EYA1: variants seen among roughly 807,000 people sequenced by gnomAD.
The protein encoded by EYA1 is EYA transcriptional coactivator and phosphatase 1.
Under a neutral mutation model 82.0 loss-of-function variants are expected in EYA1, and 16 were observed. That is an observed-to-expected ratio of 0.20 (90% CI 0.13 to 0.30). The LOEUF (loss-of-function observed/expected upper bound fraction) is 0.30. EYA1 is among the 10% of genes least tolerant of loss of function. EYA1 has a pLI of 1.00. For synonymous variants in EYA1, 261 were observed against 264.4 expected (o/e 0.99, Z 0.12); for missense variants, 633 against 730.7 (o/e 0.87, Z 1.54).
chr8:71,370,939 A>G (rs929058422), intron 2 of EYA1, among the ~76,000 whole-genome samples: 1 of 152,066 alleles, frequency 6.6e-6, no homozygotes, highest in Non-Finnish European at 1.5e-5. Context: ...CAAATTTTAA[A>G]AGTGGGGGAA....
At chr8:71,298,936 G>T in intron 9 of EYA1, 111 bp downstream of exon 9, 1 of 967,472 alleles carries the variant, frequency 1.0e-6, no homozygotes, top group Non-Finnish European at 1.7e-6. Context: ...TTTAGTCCTT[G>T]CCAAAAGCTG....
At chr8:71,415,255 T>C (rs906943308) in intron 2 of EYA1, among the ~76,000 whole-genome samples, 2 of 152,240 alleles carry the variant, frequency 1.3e-5, no homozygotes, top group African/African-American at 4.8e-5. Flanking sequence ...TTCTCACCAA[T>C]TCTTTGTTTG....
intron 2 of EYA1, among the ~76,000 whole-genome samples, chr8:71,445,523 A>C (rs751485502): frequency 5.3e-5 from 8 of 152,210 alleles, no homozygotes; most frequent in Non-Finnish European, 1.0e-4. Flanking sequence ...AGCAATAGGA[A>C]CTGATTTTTT....
At chr8:71,343,649 G>A (rs1302411764) in intron 3 of EYA1, among the ~76,000 whole-genome samples, 2 of 152,270 alleles carry the variant, frequency 1.3e-5, no homozygotes, top group East Asian at 3.9e-4. Context: ...CTTGGACTTA[G>A]CCTTCATAAC....
At chr8:71,453,343 T>C (rs1036241240) in intron 2 of EYA1, among the ~76,000 whole-genome samples, 3 of 152,186 alleles carry the variant, frequency 2.0e-5, no homozygotes, top group Non-Finnish European at 2.9e-5. Context: ...TGGAAAACAC[T>C]CTGCAGGATA....
chr8:71,235,477 A>C (rs1461081905), intron 12 of EYA1, among the ~76,000 whole-genome samples: 1 of 152,052 alleles, frequency 6.6e-6, no homozygotes, highest in Admixed American at 6.6e-5. Flanking sequence ...TCCCTTCTTG[A>C]CAAATGTTAC....
chr8:71,457,476 G>A (rs534669904), intron 2 of EYA1, among the ~76,000 whole-genome samples: 3 of 152,240 alleles, frequency 2.0e-5, no homozygotes, highest in Admixed American at 2.0e-4. Flanking sequence ...GTTTATTGTG[G>A]CACTTTTCAC....
chr8:71,398,521 A>G (rs1360301235), intron 2 of EYA1, among the ~76,000 whole-genome samples: 1 of 151,956 alleles, frequency 6.6e-6, no homozygotes, highest in Non-Finnish European at 1.5e-5. Context: ...AACAGTCAGG[A>G]CCCTCAGCTG....
At position 71,500,771 on chromosome 8, in the gene EYA1, A is replaced by G. The variant is rs559975320; in HGVS notation, c.33+34973T>C. Among the ~76,000 whole-genome samples the G allele has an allele frequency of 3.9e-5, 6 of 152,300 alleles. No homozygotes were observed. In the East Asian group the frequency reaches 9.6e-4, roughly 24 times the overall value. ...TGAGTTTTTATGCACACACACACAT[A>G]CACATACACACACACATAAGGACAA... On this transcript the variant is annotated intron_variant, in intron 2 of 18. Coordinates refer to the EYA1 transcript ENST00000643681.
At chr8:71,255,175 A>G (rs369627704) in intron 11 of EYA1, among the ~76,000 whole-genome samples, 76 of 152,318 alleles carry the variant, frequency 5.0e-4, no homozygotes, top group African/African-American at 1.8e-3. Context: ...AATACTATCC[A>G]AAGTGATGTA....
chr8:71,450,489 G>A (rs1167965261), intron 2 of EYA1, among the ~76,000 whole-genome samples: 2 of 152,084 alleles, frequency 1.3e-5, no homozygotes, highest in Admixed American at 6.6e-5. Context: ...GTCTTATATG[G>A]GCATGGTTTG....
At chr8:71,260,205 G>A (rs1814930546) in intron 11 of EYA1, among the ~76,000 whole-genome samples, 1 of 152,102 alleles carries the variant, frequency 6.6e-6, no homozygotes, top group Admixed American at 6.5e-5. Context: ...AACAAAATAA[G>A]TAAACACATA....
At chr8:71,388,269 T>A (rs1479158571) in intron 2 of EYA1, among the ~76,000 whole-genome samples, 4 of 152,182 alleles carry the variant, frequency 2.6e-5, no homozygotes, top group African/African-American at 9.7e-5. Context: ...GGTTGAAAAG[T>A]GTCCATGGGA....
chr8:71,372,769 A>G (rs900365377), intron 2 of EYA1, among the ~76,000 whole-genome samples: 7 of 152,138 alleles, frequency 4.6e-5, no homozygotes, highest in Non-Finnish European at 1.0e-4. Context: ...ACAATACATC[A>G]AAAACATTAT....
At chr8:71,283,722 G>T (rs1353655854) in intron 9 of EYA1, among the ~76,000 whole-genome samples, 1 of 152,064 alleles carries the variant, frequency 6.6e-6, no homozygotes, top group East Asian at 1.9e-4. Flanking sequence ...AAACACACTT[G>T]GTTCACTATC....
intron 2 of EYA1, among the ~76,000 whole-genome samples, chr8:71,368,387 C>G (rs1243714434): frequency 1.3e-5 from 2 of 152,036 alleles, no homozygotes; most frequent in Non-Finnish European, 2.9e-5. Flanking sequence ...GATTGCTGTT[C>G]ACTTTCCTTC....
chr8:71,352,781 C>T (rs1038862800), intron 3 of EYA1, among the ~76,000 whole-genome samples: 2 of 152,076 alleles, frequency 1.3e-5, no homozygotes, highest in African/African-American at 4.8e-5. Flanking sequence ...TGATATCAAG[C>T]TATAAAAAGT....
chr8:71,502,478 AATG>A (rs1441367376), intron 2 of EYA1, among the ~76,000 whole-genome samples: 3 of 152,244 alleles, frequency 2.0e-5, no homozygotes, highest in Admixed American at 2.0e-4. Context: ...TAGGATGCCC[AATG>A]ATATTTGAAT....
At chr8:71,487,104 A>C (rs993730462) in intron 2 of EYA1, among the ~76,000 whole-genome samples, 2 of 151,314 alleles carry the variant, frequency 1.3e-5, no homozygotes, top group African/African-American at 4.9e-5. Flanking sequence ...GTTCAAAAAC[A>C]AAGAGGAGTA....
Sources: gnomAD v4.1 joint callset for allele counts (sites outside exome capture counted in the v4.1 genomes callset) on GRCh38, gnomAD v4.1.1 for gene constraint, MANE v1.5 for transcripts, NCBI Gene and HGNC (gene_info 2026-07-23, HGNC 2026-07-21) for gene names.